Variants in VPS13B observed in about 807,000 individuals in gnomAD.
The protein encoded by VPS13B is vacuolar protein sorting 13 homolog B, also known as intermembrane lipid transfer protein VPS13B.
Under a neutral mutation model 426.4 loss-of-function variants are expected in VPS13B, and 285 were observed. The observed-to-expected ratio is 0.67, with a 90% confidence interval of 0.61 to 0.74. The LOEUF (loss-of-function observed/expected upper bound fraction) is 0.74. Among genes scored for constraint, VPS13B ranks in the 30% least tolerant of loss-of-function variants. The pLI is 0.00. For synonymous variants in VPS13B, 1,676 were observed against 1,676.4 expected (o/e 1.00, Z 0.01); for missense variants, 4,537 against 4,782.6 (o/e 0.95, Z 1.51).
chr8:99,607,589 G>T (rs1004071621), intron 33 of VPS13B, among the ~76,000 whole-genome samples: 1 of 152,222 alleles, frequency 6.6e-6, no homozygotes, highest in Admixed American at 6.5e-5. Context: ...CTAGTAGCAG[G>T]TCATATACAA....
chr8:99,855,466 G>C (rs1165701479), intron 56 of VPS13B, among the ~76,000 whole-genome samples: 2 of 152,094 alleles, frequency 1.3e-5, no homozygotes, highest in Admixed American at 1.3e-4. Flanking sequence ...CTTGAGCCAG[G>C]TTCACTCTAA....
intron 22 of VPS13B, among the ~76,000 whole-genome samples, chr8:99,432,579 A>G (rs1280990704): frequency 6.6e-6 from 1 of 152,206 alleles, no homozygotes; most frequent in Non-Finnish European, 1.5e-5. Context: ...AACATAGCTA[A>G]GTACCTAGTA....
At chr8:99,839,888 A>G (rs908662716) in intron 54 of VPS13B, among the ~76,000 whole-genome samples, 5 of 152,214 alleles carry the variant, frequency 3.3e-5, no homozygotes, top group African/African-American at 1.2e-4. Flanking sequence ...GCATCCATTC[A>G]TTCATCTTTG....
chr8:99,658,988 C>G (rs997943274), intron 34 of VPS13B, among the ~76,000 whole-genome samples: 3 of 151,972 alleles, frequency 2.0e-5, no homozygotes, highest in Non-Finnish European at 2.9e-5. Context: ...TGCCACCACG[C>G]CCAGCTAAAT....
chr8:99,770,623 G>A (rs568084470), intron 40 of VPS13B, among the ~76,000 whole-genome samples: 6 of 152,312 alleles, frequency 3.9e-5, no homozygotes, highest in African/African-American at 9.6e-5. Context: ...TTGTAGCTAC[G>A]TTTGGTAGAG....
intron 3 of VPS13B, among the ~76,000 whole-genome samples, chr8:99,094,258 C>T (rs183782551): frequency 1.5e-3 from 231 of 152,248 alleles, no homozygotes; most frequent in Admixed American, 3.2e-3. Flanking sequence ...GCTTCTGAGA[C>T]AACCATATGT....
intron 30 of VPS13B, among the ~76,000 whole-genome samples, chr8:99,535,564 T>C (rs1823161961): frequency 6.6e-6 from 1 of 152,196 alleles, no homozygotes; most frequent in South Asian, 2.1e-4. Flanking sequence ...ATCCTAAAAA[T>C]GGGTAAAAAG....
chr8:99,638,025 A>T (rs1056026414), intron 33 of VPS13B, among the ~76,000 whole-genome samples: 1 of 152,048 alleles, frequency 6.6e-6, no homozygotes, highest in Admixed American at 6.6e-5. Flanking sequence ...CACTTTTCAC[A>T]TGTTATGTGA....
intron 33 of VPS13B, among the ~76,000 whole-genome samples, chr8:99,631,423 G>C (rs573992430): frequency 2.2e-4 from 34 of 152,188 alleles, no homozygotes; most frequent in Middle Eastern, 6.8e-3. Context: ...CAACATAATT[G>C]AACTAGAGAT....
chr8:99,727,780 CT>C (rs1341972389), intron 39 of VPS13B, among the ~76,000 whole-genome samples: 1 of 152,156 alleles, frequency 6.6e-6, no homozygotes, highest in Non-Finnish European at 1.5e-5. Context: ...AAAGAAAAAA[CT>C]TTTCCTTTAG....
At chr8:99,670,653 G>T (rs777901544) in intron 35 of VPS13B, among the ~76,000 whole-genome samples, 1 of 151,942 alleles carries the variant, frequency 6.6e-6, no homozygotes, top group South Asian at 2.1e-4. Flanking sequence ...CCTTCCCCTA[G>T]CCCCTGGCAA....
At chr8:99,305,308 A>G (rs1820578845) in intron 19 of VPS13B, among the ~76,000 whole-genome samples, 1 of 152,174 alleles carries the variant, frequency 6.6e-6, no homozygotes, top group African/African-American at 2.4e-5. Flanking sequence ...AATAATAACT[A>G]GTAAAAATAA....
chr8:99,072,998 A>G (rs1212857604), intron 3 of VPS13B, among the ~76,000 whole-genome samples: 1 of 152,156 alleles, frequency 6.6e-6, no homozygotes, highest in East Asian at 1.9e-4. Flanking sequence ...TGGTAATGAT[A>G]GCTTTGTAGT....
intron 19 of VPS13B, among the ~76,000 whole-genome samples, chr8:99,342,220 A>T (rs145768264): frequency 6.6e-6 from 1 of 152,370 alleles, no homozygotes; most frequent in African/African-American, 2.4e-5. Context: ...CATATCTGTC[A>T]TGTCGTTTAC....
chr8:99,312,774 G>A (rs191068469), intron 19 of VPS13B, among the ~76,000 whole-genome samples: 1 of 152,108 alleles, frequency 6.6e-6, no homozygotes, highest in Non-Finnish European at 1.5e-5. Flanking sequence ...TTCTGACTTG[G>A]TTCCATTCTC....
chr8:99,501,962 TGTCTGTCTGTCTTTCC>T (rs1399276943), intron 26 of VPS13B, 104 bp downstream of exon 26: 22 of 1,261,824 alleles, frequency 1.7e-5, no homozygotes, highest in South Asian at 6.5e-5. Flanking sequence ...TCTGTCTGTC[TGTCTGTCTGTCTTTCC>T]GTCTGTCTGT....
chr8:99,833,261 G>C (rs1178632080), intron 52 of VPS13B, among the ~76,000 whole-genome samples: 1 of 152,196 alleles, frequency 6.6e-6, no homozygotes, highest in Non-Finnish European at 1.5e-5. Flanking sequence ...ATAATGGTTT[G>C]TTCATACTGG....
chr8:99,134,357 G>T (rs1435500052), intron 8 of VPS13B, among the ~76,000 whole-genome samples: 1 of 152,106 alleles, frequency 6.6e-6, no homozygotes, highest in African/African-American at 2.4e-5. Flanking sequence ...GTGAGTATGG[G>T]ACTGTTATTG....
intron 17 of VPS13B, among the ~76,000 whole-genome samples, chr8:99,238,772 TG>T (rs1397230137): frequency 6.6e-6 from 1 of 152,132 alleles, no homozygotes; most frequent in Non-Finnish European, 1.5e-5. Flanking sequence ...GGTGGCATTT[TG>T]CTTCCCTATA....
Sources: gnomAD v4.1 joint callset for allele counts (sites outside exome capture counted in the v4.1 genomes callset) on GRCh38, gnomAD v4.1.1 for gene constraint, MANE v1.5 for transcripts, NCBI Gene and HGNC (gene_info 2026-07-23, HGNC 2026-07-21) for gene names.